Variants in PCDHA8 observed in about 807,000 individuals in gnomAD.
PCDHA8 encodes the protein protocadherin alpha-8.
In PCDHA8, 53 loss-of-function variants were observed where a neutral mutation model predicts 61.8. The ratio of observed to expected loss-of-function variants is 0.86; its 90% CI spans 0.69 to 1.08. The LOEUF is 1.08. Among genes scored for constraint, PCDHA8 ranks in the 50% least tolerant of loss-of-function variants. The pLI is 0.00. For missense variants in PCDHA8, 1,293 were observed against 1,245.0 expected (o/e 1.04, Z -0.58); for synonymous variants, 618 against 556.6 (o/e 1.11, Z -1.55).
At position 140,927,047 on chromosome 5, in the gene PCDHA8, C is replaced by T. The variant is rs782800214; in HGVS notation, c.2395-51902C>T. On this transcript the variant is annotated intron_variant, in intron 1 of 3. Coordinates refer to ENST00000531613, the MANE Select transcript of PCDHA8 (RefSeq NM_018911.3). ...AGGCTGCCAGCGGCCGCTATGTCCT[C>T]GCGGAACTTTCGCTTCCTTTCCAGC... The T allele has an allele frequency of 2.5e-6, 4 of 1,612,066 alleles. No homozygotes were observed. The highest frequency in any genetic ancestry group is 1.7e-5 in the Admixed American group (1 of 59,932).
intron 1 of PCDHA8, chr5:140,877,442 C>A: frequency 6.2e-7 from 1 of 1,613,858 alleles, no homozygotes; most frequent in South Asian, 1.1e-5. Flanking sequence ...CACGGTGAGC[C>A]CGCGCTGACG....
At chr5:140,922,891 G>GA (rs1554201035) in intron 1 of PCDHA8, among the ~76,000 whole-genome samples, 2 of 152,160 alleles carry the variant, frequency 1.3e-5, no homozygotes, top group Non-Finnish European at 2.9e-5. Context: ...CATCATTCAA[G>GA]AAAAAATTTT....
chr5:140,953,475 T>C (rs1178172011), intron 1 of PCDHA8, among the ~76,000 whole-genome samples: 3 of 152,140 alleles, frequency 2.0e-5, no homozygotes, highest in African/African-American at 7.2e-5. Context: ...AACTTCCTCA[T>C]GCTGTGTCAC....
chr5:140,983,308 T>C (rs2153831139), intron 3 of PCDHA8, among the ~76,000 whole-genome samples: 1 of 152,322 alleles, frequency 6.6e-6, no homozygotes, highest in East Asian at 1.9e-4. Context: ...CACATTTGCT[T>C]GGTATCCTTA....
chr5:140,870,829 G>A, intron 1 of PCDHA8: 1 of 1,613,790 alleles, frequency 6.2e-7, no homozygotes, highest in Non-Finnish European at 8.5e-7. Context: ...GGGAGGCGCA[G>A]TTAACAAGCT....
chr5:140,974,994 A>C (rs901871984), intron 1 of PCDHA8, among the ~76,000 whole-genome samples: 8 of 152,126 alleles, frequency 5.3e-5, no homozygotes, highest in African/African-American at 1.9e-4. Flanking sequence ...AGGTATTCTC[A>C]AGGCTGAAAT....
intron 1 of PCDHA8, chr5:140,866,748 C>CT (rs2049539198): frequency 6.6e-6 from 1 of 152,148 alleles, no homozygotes; most frequent in Non-Finnish European, 1.5e-5. Context: ...ACTTATATGA[C>CT]TAACAGGACA....
rs1301631971 is a variant in PCDHA8, at chr5:141,011,367, C to G, written c.*1430C>G. ...CAATCTCCCATATGTATGCTGTATG[C>G]TATGCTAAGACTCCTGAAATATACT... On this transcript the variant is annotated 3_prime_UTR_variant, in exon 4 of 4. Transcript: ENST00000531613. The G allele has an allele frequency of 1.3e-5, 2 of 153,830 alleles. No homozygotes were observed. The highest frequency in any genetic ancestry group is 1.3e-4 in the Admixed American group (2 of 15,298). 9.5% of individuals were successfully genotyped at this position (153,830 alleles called of 1,614,324 possible). A position where few individuals can be genotyped will look rare whatever the true frequency, so the allele number is the denominator to read the frequency against.
intron 3 of PCDHA8, among the ~76,000 whole-genome samples, chr5:140,998,401 CA>C (rs2097811473): frequency 6.6e-6 from 1 of 152,108 alleles, no homozygotes; most frequent in African/African-American, 2.4e-5. Context: ...ATCTTTATGC[CA>C]AAGTTTATCT....
intron 1 of PCDHA8, among the ~76,000 whole-genome samples, chr5:140,881,717 G>A (rs374516377): frequency 2.6e-5 from 4 of 152,160 alleles, no homozygotes; most frequent in African/African-American, 9.7e-5. Flanking sequence ...GTGTGAGGAG[G>A]TCTTGAAAAA....
chr5:140,956,132 C>T (rs782171826), intron 1 of PCDHA8, among the ~76,000 whole-genome samples: 1 of 152,028 alleles, frequency 6.6e-6, no homozygotes, highest in African/African-American at 2.4e-5. Context: ...ATTTGAATAC[C>T]CTTTATTTCT....
chr5:140,879,744 A>T (rs1356373675), intron 1 of PCDHA8, among the ~76,000 whole-genome samples: 1 of 152,212 alleles, frequency 6.6e-6, no homozygotes, highest in Admixed American at 6.5e-5. Flanking sequence ...AGGTGTTGTC[A>T]AGGCTATACT....
intron 3 of PCDHA8, among the ~76,000 whole-genome samples, chr5:141,008,506 T>G (rs1362141784): frequency 5.9e-5 from 9 of 152,202 alleles, no homozygotes; most frequent in African/African-American, 2.2e-4. Context: ...CTTTATGGTG[T>G]GTCTTCCAAT....
chr5:140,876,792 A>G (rs782210017), intron 1 of PCDHA8: 98 of 1,613,998 alleles, frequency 6.1e-5, no homozygotes, highest in Non-Finnish European at 7.5e-5. Flanking sequence ...CCACGGCTAG[A>G]GTGTCCGTGG....
intron 1 of PCDHA8, chr5:140,876,844 C>T (rs200154646): frequency 1.2e-6 from 2 of 1,614,016 alleles, no homozygotes; most frequent in East Asian, 2.2e-5. Context: ...GTTCGCGCAG[C>T]CCGAGTACAC....
chr5:140,891,225 T>C (rs1554184733), intron 1 of PCDHA8, among the ~76,000 whole-genome samples: 1 of 152,222 alleles, frequency 6.6e-6, no homozygotes, highest in Non-Finnish European at 1.5e-5. Context: ...TTTATAATCA[T>C]CCTGTTCTGG....
At chr5:140,969,309 A>G in intron 1 of PCDHA8, 2 of 1,614,212 alleles carry the variant, frequency 1.2e-6, no homozygotes, top group Non-Finnish European at 1.7e-6. Context: ...ATTCTCAAAA[A>G]TGAGGCTGTT....
At chr5:140,902,953 C>T (rs549407032) in intron 1 of PCDHA8, among the ~76,000 whole-genome samples, 24 of 152,278 alleles carry the variant, frequency 1.6e-4, no homozygotes, top group East Asian at 1.3e-3. Flanking sequence ...TCTTTATCCA[C>T]TTGTTGGCTG....
At chr5:140,856,629 T>C (rs782588371) in intron 1 of PCDHA8, 2 of 1,598,078 alleles carry the variant, frequency 1.3e-6, no homozygotes, top group African/African-American at 2.7e-5. Flanking sequence ...CCAGTGCTTG[T>C]TCTGCGGAAG....
Sources: allele counts gnomAD v4.1 joint callset (sites outside exome capture counted in the v4.1 genomes callset), GRCh38; gene constraint gnomAD v4.1.1; transcripts MANE v1.5; gene names NCBI Gene and HGNC (gene_info 2026-07-23, HGNC 2026-07-21).